Variants in COL5A1 observed in about 807,000 individuals in gnomAD.
COL5A1 encodes the protein collagen alpha-1(V) chain.
A neutral mutation model predicts 263.7 loss-of-function variants in COL5A1; 16 were observed. That is an observed-to-expected ratio of 0.06 (90% CI 0.04 to 0.09). COL5A1 has a LOEUF of 0.09. Among genes scored for constraint, COL5A1 ranks in the 10% least tolerant of loss-of-function variants. The pLI is 1.00. For synonymous variants in COL5A1, 1,012 were observed against 1,004.5 expected (o/e 1.01, Z -0.14); for missense variants, 2,036 against 2,540.5 (o/e 0.80, Z 4.27).
intron 9 of COL5A1, among the ~76,000 whole-genome samples, chr9:134,734,484 C>G (rs1835023793): frequency 6.6e-6 from 1 of 152,264 alleles, no homozygotes; most frequent in Non-Finnish European, 1.5e-5. Context: ...TGGGTCCAAG[C>G]TGCACATAAA....
intron 2 of COL5A1, among the ~76,000 whole-genome samples, chr9:134,693,154 G>T (rs565495122): frequency 2.0e-5 from 3 of 152,112 alleles, no homozygotes; most frequent in African/African-American, 7.2e-5. Flanking sequence ...CTCTCAGCAG[G>T]GACCCCATCC....
intron 18 of COL5A1, among the ~76,000 whole-genome samples, chr9:134,760,959 CACAT>C (rs747820641): frequency 2.7e-5 from 4 of 149,954 alleles, no homozygotes; most frequent in East Asian, 3.9e-4. Context: ...ACCCGCCACA[CACAT>C]ACACACATGT....
At chr9:134,764,874 C>G (rs1276249372) in intron 20 of COL5A1, among the ~76,000 whole-genome samples, 2 of 152,130 alleles carry the variant, frequency 1.3e-5, no homozygotes, top group Non-Finnish European at 2.9e-5. Flanking sequence ...ATTAAAATAA[C>G]GAAGGAAACA....
intron 1 of COL5A1, among the ~76,000 whole-genome samples, chr9:134,664,489 G>C (rs61455395): frequency 6.6e-6 from 1 of 152,354 alleles, no homozygotes; most frequent in African/African-American, 2.4e-5. Context: ...CCACTGATCA[G>C]TCAGAAAAGT....
chr9:134,656,411 G>T (rs897935934), intron 1 of COL5A1, among the ~76,000 whole-genome samples: 2 of 152,194 alleles, frequency 1.3e-5, no homozygotes, highest in African/African-American at 4.8e-5. Context: ...AGCTTCGGAG[G>T]CCGAGAGAGC....
chr9:134,697,517 A>G (rs557492419), intron 2 of COL5A1, among the ~76,000 whole-genome samples: 2 of 152,102 alleles, frequency 1.3e-5, no homozygotes, highest in African/African-American at 4.8e-5. Flanking sequence ...TGGGGTGGGG[A>G]CGGGAGCCAG....
At position 134,842,334 on chromosome 9, in the gene COL5A1, C is replaced by A. The variant is rs777147544; in HGVS notation, c.*31C>A. ...GCCGAGCCCGGGCTCCCGAGAGCAACCTCGTGACCTCAGCATGCCATTCGT... is the reference window on the plus strand; with the variant it reads ...GCCGAGCCCGGGCTCCCGAGAGCAAACTCGTGACCTCAGCATGCCATTCGT... On this transcript the variant is annotated 3_prime_UTR_variant, in exon 66 of 66. Transcript: ENST00000371817. This position sits in a 1 kb window ranked among gnomAD's most constrained non-coding sequence, Gnocchi z 5.8. The A allele has an allele frequency of 6.2e-7, 1 of 1,612,978 alleles. No individual in the cohort carries two copies. The highest frequency in any genetic ancestry group is 8.5e-7 in the Non-Finnish European group (1 of 1,179,678).
chr9:134,743,390 A>C (rs1291202001), intron 11 of COL5A1, among the ~76,000 whole-genome samples: 1 of 152,154 alleles, frequency 6.6e-6, no homozygotes, highest in East Asian at 1.9e-4. Flanking sequence ...TATTGCTCTT[A>C]AGAGAGACTT....
intron 14 of COL5A1, among the ~76,000 whole-genome samples, chr9:134,753,389 C>G (rs915139059): frequency 2.6e-5 from 4 of 152,102 alleles, no homozygotes; most frequent in African/African-American, 9.7e-5. Flanking sequence ...TTCAACACCA[C>G]AGGGGCCCTC....
intron 4 of COL5A1, among the ~76,000 whole-genome samples, chr9:134,714,385 A>G (rs113383205): frequency 6.9e-6 from 1 of 145,458 alleles, no homozygotes; most frequent in Admixed American, 6.8e-5. Context: ...TCATGATGGT[A>G]GTGATGGTGG....
At chr9:134,654,512 T>C (rs1267254782) in intron 1 of COL5A1, among the ~76,000 whole-genome samples, 9 of 106,070 alleles carry the variant, frequency 8.5e-5, no homozygotes, top group Non-Finnish European at 1.7e-4. Flanking sequence ...TGTGTAGGGC[T>C]GGAGGTGTGC....
At chr9:134,788,186 GT>G (rs1179544248) in intron 31 of COL5A1, among the ~76,000 whole-genome samples, 4 of 150,516 alleles carry the variant, frequency 2.7e-5, no homozygotes, top group African/African-American at 9.8e-5. Context: ...GGAGGGGTGG[GT>G]TTATAGGTAG....
intron 11 of COL5A1, among the ~76,000 whole-genome samples, chr9:134,739,763 C>T (rs1243411534): frequency 6.6e-6 from 1 of 152,160 alleles, no homozygotes; most frequent in East Asian, 1.9e-4. Flanking sequence ...GTGCTCAGTA[C>T]CCCTGGAAAG....
At chr9:134,646,468 ACATTC>A (rs1831478557) in intron 1 of COL5A1, among the ~76,000 whole-genome samples, 1 of 152,048 alleles carries the variant, frequency 6.6e-6, no homozygotes, top group African/African-American at 2.4e-5. Context: ...TTCTGACAGG[ACATTC>A]CACACCGTGT....
At chr9:134,825,027 A>G (rs1839207365) in intron 62 of COL5A1, among the ~76,000 whole-genome samples, 172 bp downstream of exon 62, 1 of 152,154 alleles carries the variant, frequency 6.6e-6, no homozygotes, top group Admixed American at 6.5e-5. Flanking sequence ...CTTGAACTTT[A>G]TGGAGGCATC....
At chr9:134,835,965 T>TC (rs1417309071) in intron 65 of COL5A1, among the ~76,000 whole-genome samples, 1 of 152,062 alleles carries the variant, frequency 6.6e-6, no homozygotes, top group African/African-American at 2.4e-5. Context: ...CTCAGACATG[T>TC]CCCCCTCGTG....
chr9:134,738,845 G>T (rs750744269), intron 11 of COL5A1, 37 bp downstream of exon 11: 5 of 1,566,300 alleles, frequency 3.2e-6, no homozygotes, highest in Non-Finnish European at 8.8e-7. Flanking sequence ...ATCACACAAG[G>T]TGTGGGGCTG....
chr9:134,813,960 A>G (rs1838638893), intron 48 of COL5A1, 23 bp from the exon 49 acceptor site: 2 of 1,550,674 alleles, frequency 1.3e-6, no homozygotes, highest in Non-Finnish European at 8.7e-7. Flanking sequence ...CCGCTGCCAT[A>G]ACCACATGCA....
intron 61 of COL5A1, 80 bp from the exon 62 acceptor site, chr9:134,824,520 C>T: frequency 2.5e-6 from 4 of 1,581,518 alleles, no homozygotes; most frequent in Middle Eastern, 1.7e-4. Flanking sequence ...AGATGTGGCC[C>T]CAGCTGTCCC....
Sources: gnomAD v4.1 joint callset for allele counts (sites outside exome capture counted in the v4.1 genomes callset) on GRCh38, gnomAD v4.1.1 for gene constraint, Gnocchi (gnomAD v3.1) non-coding constraint, MANE v1.5 for transcripts, NCBI Gene and HGNC (gene_info 2026-07-23, HGNC 2026-07-21) for gene names.